ERC2: variants seen among roughly 807,000 people sequenced by gnomAD.
ERC2 encodes the protein ELKS/RAB6-interacting/CAST family member 2.
A neutral mutation model predicts 114.8 loss-of-function variants in ERC2; 42 were observed. The observed-to-expected ratio is 0.37, with a 90% CI of 0.29 to 0.47. ERC2 has a LOEUF of 0.47. Ranked by LOEUF, ERC2 falls within the 20% of genes least tolerant of loss-of-function variation. ERC2 has a pLI of 0.99. For missense variants in ERC2, 939 were observed against 1,150.7 expected, an observed-to-expected ratio of 0.82 and a Z score of 2.66; for synonymous variants, 454 against 425.5, an observed-to-expected ratio of 1.07 and a Z score of -0.82.
intron 15 of ERC2, among the ~76,000 whole-genome samples, chr3:55,731,063 T>A (rs1442365885): frequency 6.6e-6 from 1 of 152,194 alleles, no homozygotes; most frequent in Non-Finnish European, 1.5e-5. Context: ...CTGATATCTA[T>A]GTGTGCTGCA....
intron 1 of ERC2, among the ~76,000 whole-genome samples, chr3:56,462,702 A>T (rs990875086): frequency 6.6e-6 from 1 of 152,130 alleles, no homozygotes; most frequent in Non-Finnish European, 1.5e-5. Context: ...CTAAGTTTTA[A>T]TGTTCTCACC....
chr3:55,520,417 CAGTG>C (rs1171505396), intron 17 of ERC2, among the ~76,000 whole-genome samples: 3 of 119,566 alleles, frequency 2.5e-5, no homozygotes, highest in Admixed American at 1.0e-4. Context: ...GCCTGGGAGA[CAGTG>C]AGACTCTGTC....
intron 2 of ERC2, among the ~76,000 whole-genome samples, chr3:56,322,310 C>T (rs1363142187): frequency 6.6e-6 from 1 of 152,202 alleles, no homozygotes; most frequent in African/African-American, 2.4e-5. Flanking sequence ...AAGAAGGCTG[C>T]AAATTTCCTC....
At chr3:55,557,220 G>A (rs964795883) in intron 17 of ERC2, among the ~76,000 whole-genome samples, 2 of 152,180 alleles carry the variant, frequency 1.3e-5, no homozygotes, top group Non-Finnish European at 2.9e-5. Flanking sequence ...CAGAATTTGG[G>A]GTGGAAAGTG....
intron 2 of ERC2, among the ~76,000 whole-genome samples, chr3:56,432,420 G>A (rs2061832941): frequency 6.6e-6 from 1 of 152,138 alleles, no homozygotes; most frequent in Admixed American, 6.5e-5. Context: ...AATGTGCATT[G>A]TACAAACAGG....
At chr3:55,715,667 A>G (rs189934936) in intron 15 of ERC2, among the ~76,000 whole-genome samples, 3 of 152,332 alleles carry the variant, frequency 2.0e-5, no homozygotes, top group Admixed American at 2.0e-4. Flanking sequence ...TTTGGGAAAT[A>G]ACCCATTAAA....
intron 6 of ERC2, among the ~76,000 whole-genome samples, chr3:56,118,360 A>C (rs958873929): frequency 6.6e-6 from 1 of 152,256 alleles, no homozygotes; most frequent in Non-Finnish European, 1.5e-5. Flanking sequence ...CTAAAACACC[A>C]TAGGTGAGCA....
intron 14 of ERC2, among the ~76,000 whole-genome samples, chr3:55,744,446 A>T (rs904392631): frequency 4.6e-5 from 7 of 152,032 alleles, no homozygotes; most frequent in Non-Finnish European, 7.4e-5. Flanking sequence ...ACAAAAAGCA[A>T]AACAAACAAA....
intron 2 of ERC2, among the ~76,000 whole-genome samples, chr3:56,314,633 A>T (rs1160036509): frequency 6.6e-6 from 1 of 152,168 alleles, no homozygotes; most frequent in Non-Finnish European, 1.5e-5. Context: ...AGCACATAAA[A>T]TAGCACATAA....
At chr3:55,906,269 A>G (rs1201116754) in intron 13 of ERC2, among the ~76,000 whole-genome samples, 1 of 151,824 alleles carries the variant, frequency 6.6e-6, no homozygotes, top group African/African-American at 2.4e-5. Flanking sequence ...CATCTCTACT[A>G]AAAATACAAA....
intron 17 of ERC2, among the ~76,000 whole-genome samples, chr3:55,580,281 TG>T (rs1160851845): frequency 6.6e-6 from 1 of 151,970 alleles, no homozygotes; most frequent in Non-Finnish European, 1.5e-5. Flanking sequence ...GAGTTCAATT[TG>T]GGGAGGGGGT....
intron 10 of ERC2, among the ~76,000 whole-genome samples, chr3:56,004,252 G>A (rs546866904): frequency 3.3e-5 from 5 of 151,948 alleles, no homozygotes; most frequent in African/African-American, 1.2e-4. Context: ...TGATCCATAC[G>A]TCAATTATCA....
rs111357437 is a variant in ERC2, at chr3:55,935,384, C to T, written c.2403+15041G>A. 7.4e-3 allele frequency among the ~76,000 whole-genome samples: 1,121 copies of T among 152,260 alleles called. 10 individuals carry two copies. Among genetic ancestry groups the T allele is most frequent in the African/African-American group, 0.026 (1,073 of 41,554 alleles). On this transcript the variant is annotated intron_variant, in intron 13 of 17. Coordinates refer to ENST00000288221, the MANE Select transcript of ERC2 (RefSeq NM_015576.3). ...AGACTATTGAAGATGGTGGCTGTGACGTAGTCCTAGTGCTTACACAGGTTT... is the reference window on the plus strand; with the variant it reads ...AGACTATTGAAGATGGTGGCTGTGATGTAGTCCTAGTGCTTACACAGGTTT...
intron 15 of ERC2, among the ~76,000 whole-genome samples, chr3:55,731,527 G>T (rs968570276): frequency 6.6e-6 from 1 of 152,202 alleles, no homozygotes; most frequent in East Asian, 1.9e-4. Context: ...GGAAACTGAG[G>T]TTGAAGAAGG....
intron 17 of ERC2, among the ~76,000 whole-genome samples, chr3:55,596,487 G>C (rs1162832152): frequency 6.6e-6 from 1 of 152,210 alleles, no homozygotes; most frequent in African/African-American, 2.4e-5. Flanking sequence ...GCTGAGGTTA[G>C]AGGATCACTT....
rs1027462008 is a variant in ERC2 at position 56,019,715 on chromosome 3, C to T, written c.1642-684G>A. On this transcript the variant is annotated intron_variant, in intron 7 of 17. Transcript: ENST00000288221. ...CACTATCTGCAGCCTGAAATAAACA[C>T]GCCAAATAGCCGATTACAATGCCTG... is the stretch of plus-strand genomic sequence containing the variant. Among the ~76,000 whole-genome samples the T allele has an allele frequency of 5.3e-5, 8 of 152,286 alleles. No individual in the cohort carries two copies. In the East Asian group the frequency reaches 5.8e-4, roughly 11 times the overall value.
At chr3:56,187,180 G>A (rs187799629) in intron 3 of ERC2, among the ~76,000 whole-genome samples, 185 of 152,246 alleles carry the variant, frequency 1.2e-3, no homozygotes, top group African/African-American at 4.4e-3. Flanking sequence ...GTCAGCCTCT[G>A]CCTGTGGGTT....
At chr3:56,337,695 G>C (rs2057914880) in intron 2 of ERC2, among the ~76,000 whole-genome samples, 1 of 152,110 alleles carries the variant, frequency 6.6e-6, no homozygotes, top group Non-Finnish European at 1.5e-5. Context: ...GTGGCATATT[G>C]ACTTAATAGT....
chr3:55,961,843 G>C lies in ERC2; in HGVS notation c.2268-11283C>G, dbSNP rs1252243882. On this transcript the variant is annotated intron_variant, in intron 12 of 17. Transcript: ENST00000288221. ...ATTGTCAGTTCCTCACCAATGAAAT[G>C]ATACCCAGTCAAAAAAAAAAAAAAA... is the stretch of plus-strand genomic sequence containing the variant. Among the ~76,000 whole-genome samples, 9 of 114,374 alleles carry C rather than the reference G, an allele frequency of 7.9e-5. No individual in the cohort carries two copies. In the East Asian group the frequency reaches 1.9e-3, roughly 24 times the overall value. The allele number at this position is 114,374 out of a possible 152,430, so 75.0% of individuals were successfully genotyped here.
Sources: gnomAD v4.1 joint callset for allele counts (sites outside exome capture counted in the v4.1 genomes callset) on GRCh38, gnomAD v4.1.1 for gene constraint, MANE v1.5 for transcripts, NCBI Gene and HGNC (gene_info 2026-07-23, HGNC 2026-07-21) for gene names.